Variants in AOX1 observed in about 807,000 individuals in gnomAD.
AOX1 encodes aldehyde oxidase 1.
Under a neutral mutation model 169.5 loss-of-function variants are expected in AOX1, and 153 were observed. The ratio of observed to expected loss-of-function variants is 0.90; its 90% CI spans 0.79 to 1.03. The LOEUF (loss-of-function observed/expected upper bound fraction) is 1.03. Among genes scored for constraint, AOX1 ranks in the 50% least tolerant of loss-of-function variants. AOX1 has a pLI of 0.00. For missense variants in AOX1, 1,656 were observed against 1,663.9 expected, an observed-to-expected ratio of 1.00 and a Z score of 0.08; for synonymous variants, 562 against 581.9, an observed-to-expected ratio of 0.97 and a Z score of 0.49.
Position 200,669,624 on chromosome 2 carries a change from T to G in AOX1, c.3848T>G (p.Ile1283Ser). Residue 1283 changes from isoleucine to serine, a missense_variant, in exon 34 of 35, where the codon ATC becomes AGC. Transcript: ENST00000374700. The part of the protein sequence containing the change: ...VFLGCSVFFA[I>S]HDAVSAARQE... ...CTGGGGTGTTCCGTGTTTTTCGCTA[T>G]CCATGACGCAGTGAGTGCAGCACGA... The G allele has an allele frequency of 6.2e-7, 1 of 1,613,958 alleles. No individual in the cohort carries two copies. The highest frequency in any genetic ancestry group is 8.5e-7 in the Non-Finnish European group (1 of 1,179,998).
chr2:200,622,688 T>C (rs1244369358), intron 18 of AOX1, among the ~76,000 whole-genome samples: 2 of 152,188 alleles, frequency 1.3e-5, no homozygotes, highest in African/African-American at 4.8e-5. Flanking sequence ...GGTGTGCTTA[T>C]GAAGATCATA....
rs759762591 is a variant in AOX1 at position 200,603,362 on chromosome 2, T to C, written c.588+6T>C. 5.0e-6 allele frequency: 8 copies of C among 1,610,124 alleles called. No homozygotes were observed. In the South Asian group the frequency reaches 7.7e-5, roughly 15 times the overall value. ...AATTTGAGGAAGGAAGTAAGGTCAGTGAAATGTAAAGCTTTTATAAGGCTT... is the reference window on the plus strand; with the variant it reads ...AATTTGAGGAAGGAAGTAAGGTCAGCGAAATGTAAAGCTTTTATAAGGCTT... On this transcript the variant is annotated splice_donor_region_variant and intron_variant, in intron 7 of 34. Coordinates refer to ENST00000374700, the MANE Select transcript of AOX1 (RefSeq NM_001159.4).
At chr2:200,626,649 G>A (rs1451885314) in intron 19 of AOX1, among the ~76,000 whole-genome samples, 2 of 152,142 alleles carry the variant, frequency 1.3e-5, no homozygotes, top group Non-Finnish European at 2.9e-5. Context: ...TCCCAGACAG[G>A]GCTTGTCTGA....
In AOX1 at chr2:200,641,112, C is replaced by A. The variant is rs113275102; in HGVS notation, c.2583C>A (p.Asn861Lys). The change falls in exon 24 of 35, where the codon AAC becomes AAA. Residue 861 changes from asparagine (N) to lysine (K), a missense_variant. Coordinates refer to ENST00000374700, the MANE Select transcript of AOX1 (RefSeq NM_001159.4). Reference protein sequence around the residue: ...YLGKYKAGFMNDGRILALDME... With the variant: ...YLGKYKAGFMKDGRILALDME... ...CTCTTCCCCAGGCTGGATTCATGAA[C>A]GATGGCAGAATCTTGGCCCTGGACA... The A allele has an allele frequency of 6.2e-7, 1 of 1,612,796 alleles. No individual in the cohort carries two copies. The highest frequency in any genetic ancestry group is 8.5e-7 in the Non-Finnish European group (1 of 1,179,074).
At chr2:200,620,153 T>C (rs1366342211) in intron 16 of AOX1, among the ~76,000 whole-genome samples, 1 of 151,870 alleles carries the variant, frequency 6.6e-6, no homozygotes, top group Non-Finnish European at 1.5e-5. Context: ...AGTTGGCTTA[T>C]TGAATTACTG....
rs772407876 is a variant in AOX1 at position 200,612,653 on chromosome 2, T to C, written c.1308T>C (p.Asn436=). 6.2e-7 allele frequency: 1 copy of C among 1,614,052 alleles called. No homozygotes were observed. Among genetic ancestry groups the C allele is most frequent in the Admixed American group, 1.7e-5 (1 of 60,016 alleles). Residue 436 remains asparagine, a synonymous_variant, in exon 14 of 35, where the codon AAT becomes AAC. Transcript: ENST00000374700. The part of the protein sequence containing the change: ...SAFRQAQRQE[N]ALAIVNSGMR... The stretch of plus-strand genomic sequence containing the variant: ...TCCGACAAGCCCAGCGACAGGAGAA[T>C]GCGCTAGCGATAGTCAATTCAGGAA...
chr2:200,588,535 A>G (rs1323214434), intron 1 of AOX1, among the ~76,000 whole-genome samples: 2 of 152,104 alleles, frequency 1.3e-5, no homozygotes, highest in African/African-American at 2.4e-5. Context: ...CACTTTGTCT[A>G]TGGGCCAAAT....
At chr2:200,634,024 A>C (rs1219365323) in intron 20 of AOX1, among the ~76,000 whole-genome samples, 3 of 152,092 alleles carry the variant, frequency 2.0e-5, no homozygotes, top group Non-Finnish European at 4.4e-5. Flanking sequence ...TTTCCTACTC[A>C]ACCTTCACAG....
Position 200,604,000 on chromosome 2 carries a change from A to G in AOX1, c.589-17A>G, listed in dbSNP as rs1230923564. ...AGTTGCTCGATAACAGTAATTTCTG[A>G]TATGTTCTCTTTTTAGACAAGTCCA... On this transcript the variant is annotated splice_polypyrimidine_tract_variant and intron_variant, in intron 7 of 34. Coordinates refer to ENST00000374700, the MANE Select transcript of AOX1 (RefSeq NM_001159.4). 3 of 1,555,674 alleles carry G rather than the reference A, an allele frequency of 1.9e-6. No individual in the cohort carries two copies. Among genetic ancestry groups the G allele is most frequent in the Non-Finnish European group, 2.7e-6 (3 of 1,127,368 alleles).
rs926940602 is a variant in AOX1, at chr2:200,613,674, C to T, written c.1449-130C>T. Reference sequence around the variant, plus strand: ...TGAGAATGGTGGGCCAATTTGAACTCGGGCTGCCTGATCCAGAGCTTGTAC... The same window carrying T: ...TGAGAATGGTGGGCCAATTTGAACTTGGGCTGCCTGATCCAGAGCTTGTAC... On this transcript the variant is annotated intron_variant, in intron 14 of 34. Coordinates refer to ENST00000374700, the MANE Select transcript of AOX1 (RefSeq NM_001159.4). The T allele has an allele frequency of 1.0e-5, 9 of 879,724 alleles. No individual in the cohort carries two copies. The African/African-American group carries it at 1.2e-4, about 12-fold the overall frequency. The allele number at this position is 879,724 out of a possible 1,614,324, so 54.5% of individuals were successfully genotyped here. A position where few individuals can be genotyped will look rare whatever the true frequency, so the allele number is the denominator to read the frequency against.
intron 24 of AOX1, 98 bp downstream of exon 24, chr2:200,641,282 T>C: frequency 1.2e-6 from 1 of 850,396 alleles, no homozygotes; most frequent in East Asian, 2.7e-5. Flanking sequence ...TATTTGATTA[T>C]AAAGGTATAA....
intron 29 of AOX1, 85 bp downstream of exon 29, chr2:200,660,154 T>C: frequency 8.7e-7 from 1 of 1,146,278 alleles, no homozygotes; most frequent in Non-Finnish European, 1.3e-6. Context: ...AATTGAAATC[T>C]GTAGAAAGGG....
In AOX1 at chr2:200,612,631, G is replaced by A. The variant is rs149229670; in HGVS notation, c.1286G>A (p.Arg429Gln). The change falls in exon 14 of 35, where the codon CGA becomes CAA. Residue 429 changes from arginine to glutamine, a missense_variant. Coordinates refer to ENST00000374700, the MANE Select transcript of AOX1 (RefSeq NM_001159.4). ...CAGTGGGAATTTGTGTCAGCCTTCC[G>A]ACAAGCCCAGCGACAGGAGAATGCG... ...SRKWEFVSAF[R>Q]QAQRQENALA... 1.1e-4 allele frequency: 182 copies of A among 1,613,790 alleles called. No individual in the cohort carries two copies. The highest frequency in any genetic ancestry group is 8.5e-4 in the East Asian group (38 of 44,872).
intron 23 of AOX1, among the ~76,000 whole-genome samples, chr2:200,639,150 C>A (rs1022405563): frequency 4.6e-5 from 7 of 152,188 alleles, no homozygotes; most frequent in Non-Finnish European, 1.0e-4. Context: ...TTAGTGTCTG[C>A]CATATTGGAC....
chr2:200,620,990 A>G, intron 17 of AOX1, 130 bp from the exon 18 acceptor site: 1 of 1,360,354 alleles, frequency 7.4e-7, no homozygotes, highest in Non-Finnish European at 1.0e-6. Context: ...CGTTGTCCCA[A>G]GAATTTTTTC....
rs776648669 is a variant in AOX1, at chr2:200,627,369, ACTC to A, written c.2147_2149del (p.Ser716del). 15 of 1,613,038 alleles carry A rather than the reference ACTC, an allele frequency of 9.3e-6. No homozygotes were observed. Among genetic ancestry groups the A allele is most frequent in the Non-Finnish European group, 1.3e-5 (15 of 1,179,386 alleles). On this transcript the variant is annotated inframe_deletion, in exon 20 of 35. Coordinates refer to ENST00000374700, the MANE Select transcript of AOX1 (RefSeq NM_001159.4). The stretch of plus-strand genomic sequence containing the variant: ...TCTTTCTAGGAAAGTATACAACACA[ACTC>A]CTCCTTCAAGCCAGAAAGGAAACTG...
At chr2:200,628,985 A>G (rs1047083229) in intron 20 of AOX1, among the ~76,000 whole-genome samples, 1 of 152,082 alleles carries the variant, frequency 6.6e-6, no homozygotes, top group Non-Finnish European at 1.5e-5. Context: ...AATTTTTCTC[A>G]CCAACCTTGA....
At chr2:200,586,272 TG>T in intron 1 of AOX1, 119 bp downstream of exon 1, 2 of 1,135,398 alleles carry the variant, frequency 1.8e-6, no homozygotes, top group Non-Finnish European at 2.4e-6. Flanking sequence ...AGGCACGGAC[TG>T]GCTTTCTCCC....
Position 200,592,810 on chromosome 2 carries a change from A to G in AOX1, c.46-336A>G, listed in dbSNP as rs536677438. On this transcript the variant is annotated intron_variant, in intron 1 of 34. Transcript: ENST00000374700. ...TCTTATTTCATCCACTCCTCCCCCA[A>G]GTCTGAATGTTCTACTAATGTCTTT... Among the ~76,000 whole-genome samples, 8 of 152,188 alleles carry G rather than the reference A, an allele frequency of 5.3e-5. No homozygotes were observed. The East Asian group carries it at 1.5e-3, about 29-fold the overall frequency.
Sources: allele counts gnomAD v4.1 joint callset (sites outside exome capture counted in the v4.1 genomes callset), GRCh38; gene constraint gnomAD v4.1.1; transcripts MANE v1.5; gene names NCBI Gene and HGNC (gene_info 2026-07-23, HGNC 2026-07-21).